Variants in SEPHS1 observed in about 807,000 individuals in gnomAD.
SEPHS1 encodes the protein selenophosphate synthetase 1.
A neutral mutation model predicts 39.2 loss-of-function variants in SEPHS1; 7 were observed. The ratio of observed to expected loss-of-function variants is 0.18; its 90% confidence interval spans 0.10 to 0.34. The LOEUF is 0.34. Ranked by LOEUF, SEPHS1 falls within the 10% of genes least tolerant of loss-of-function variation. SEPHS1 has a pLI of 1.00. For missense variants in SEPHS1, 253 were observed against 514.5 expected (o/e 0.49, Z 4.92); for synonymous variants, 190 against 195.5 (o/e 0.97, Z 0.23).
Position 13,320,383 on chromosome 10 carries a change from G to A in SEPHS1, c.965-1027C>T, listed in dbSNP as rs192513788. On this transcript the variant is annotated intron_variant, in intron 8 of 8. Transcript: ENST00000327347. Reference sequence around the variant, plus strand: ...TTTTTAGTAGAGACAGGGTTTCACCGTGTTAGCCAGGATGGTCTCGATCTC... The same window carrying A: ...TTTTTAGTAGAGACAGGGTTTCACCATGTTAGCCAGGATGGTCTCGATCTC... Among the ~76,000 whole-genome samples, 583 of 151,784 alleles carry A rather than the reference G, an allele frequency of 3.8e-3. 17 individuals are homozygous for A. In the East Asian group the frequency reaches 0.078, roughly 20 times the overall value.
intron 8 of SEPHS1, chr10:13,322,036 TTA>T (rs1256045183): frequency 2.2e-6 from 1 of 455,752 alleles, no homozygotes; most frequent in East Asian, 6.9e-5. Flanking sequence ...TATCCTCCAT[TTA>T]TGTTTCCTCT....
chr10:13,340,845 C>G (rs146670962), intron 2 of SEPHS1: 1 of 152,210 alleles, frequency 6.6e-6, no homozygotes, highest in Non-Finnish European at 1.5e-5. Flanking sequence ...AGAATAGGGT[C>G]TGGTGCTGTC....
At chr10:13,333,196 C>T (rs1222083171) in intron 5 of SEPHS1, among the ~76,000 whole-genome samples, 3 of 149,760 alleles carry the variant, frequency 2.0e-5, no homozygotes, top group African/African-American at 4.9e-5. Flanking sequence ...TGCAGTGGCG[C>T]GATCTTGGCT....
chr10:13,328,803 T>G (rs745868270), intron 6 of SEPHS1, among the ~76,000 whole-genome samples: 2 of 152,186 alleles, frequency 1.3e-5, no homozygotes, highest in Non-Finnish European at 2.9e-5. Context: ...CTCACCTGCT[T>G]CCAGCTCCCT....
At chr10:13,347,192 T>G (rs888774479) in intron 1 of SEPHS1, 1 of 152,050 alleles carries the variant, frequency 6.6e-6, no homozygotes, top group Admixed American at 6.5e-5. Flanking sequence ...GTTTGGTTTT[T>G]TTTTTTCTTC....
intron 2 of SEPHS1, among the ~76,000 whole-genome samples, chr10:13,339,920 A>G (rs1202202532): frequency 6.6e-6 from 1 of 152,188 alleles, no homozygotes; most frequent in South Asian, 2.1e-4. Flanking sequence ...ATCCCCCACG[A>G]GGATTCTGCA....
At chr10:13,340,880 G>T (rs1390991369) in intron 2 of SEPHS1, 1 of 152,102 alleles carries the variant, frequency 6.6e-6, no homozygotes, top group African/African-American at 2.4e-5. Context: ...CTAGACACAG[G>T]GGGTGGCTGC....
chr10:13,330,554 C>A (rs191794510), intron 5 of SEPHS1, among the ~76,000 whole-genome samples: 1 of 152,290 alleles, frequency 6.6e-6, no homozygotes, highest in Admixed American at 6.5e-5. Context: ...GAGAGTTGTG[C>A]CTTTCGCAGC....
intron 7 of SEPHS1, among the ~76,000 whole-genome samples, chr10:13,326,230 CT>C (rs1833285028): frequency 6.6e-6 from 1 of 152,034 alleles, no homozygotes; most frequent in Non-Finnish European, 1.5e-5. Context: ...AATCCCAGTA[CT>C]TTGGGAGGCC....
intron 2 of SEPHS1, among the ~76,000 whole-genome samples, chr10:13,340,191 G>C (rs1423519092): frequency 2.0e-5 from 3 of 151,984 alleles, no homozygotes; most frequent in African/African-American, 7.3e-5. Flanking sequence ...GGAGGCACCA[G>C]ATCTTTCCTG....
chr10:13,323,569 G>C (rs1199959407), intron 7 of SEPHS1, among the ~76,000 whole-genome samples: 1 of 151,942 alleles, frequency 6.6e-6, no homozygotes, highest in Non-Finnish European at 1.5e-5. Flanking sequence ...TGGCCAGGCT[G>C]ATCTTGAACT....
chr10:13,328,211 C>G (rs1456874859), intron 7 of SEPHS1, 140 bp downstream of exon 7: 1 of 601,770 alleles, frequency 1.7e-6, no homozygotes, highest in African/African-American at 1.9e-5. Flanking sequence ...GGAATGCCAA[C>G]CTGGTACCAG....
rs371620494 is a variant in SEPHS1 at position 13,346,098 on chromosome 10, C to A, written c.-78-1070G>T. 3.3e-5 allele frequency among the ~76,000 whole-genome samples: 5 copies of A among 152,218 alleles called. No individual in the cohort carries two copies. In the East Asian group the frequency reaches 9.6e-4, roughly 29 times the overall value. On this transcript the variant is annotated intron_variant, in intron 1 of 8. Transcript: ENST00000327347. ...CACATCATTGACAAAATATGCTACT[C>A]CTCATTAACATTTCATTGCAGAACC...
intron 5 of SEPHS1, among the ~76,000 whole-genome samples, chr10:13,332,398 T>G (rs1334154863): frequency 6.6e-6 from 1 of 151,868 alleles, no homozygotes; most frequent in Non-Finnish European, 1.5e-5. Context: ...CTACAGGGCT[T>G]CTTTTTGGGG....
chr10:13,339,794 A>C (rs534868558), intron 2 of SEPHS1, among the ~76,000 whole-genome samples: 1 of 152,170 alleles, frequency 6.6e-6, no homozygotes, highest in African/African-American at 2.4e-5. Flanking sequence ...TGCGATGTAA[A>C]TATTTGTTAT....
intron 5 of SEPHS1, among the ~76,000 whole-genome samples, chr10:13,332,252 T>C (rs1288754823): frequency 1.3e-5 from 2 of 152,196 alleles, no homozygotes; most frequent in Non-Finnish European, 2.9e-5. Flanking sequence ...CATTCCGCTA[T>C]GGGAGTGAAG....
intron 3 of SEPHS1, among the ~76,000 whole-genome samples, chr10:13,336,765 A>C (rs754270140): frequency 2.6e-5 from 4 of 151,050 alleles, no homozygotes; most frequent in Admixed American, 6.7e-5. Context: ...GAAAAGTTGG[A>C]AACAGCCACA....
chr10:13,328,965 A>G (rs1455391627), intron 6 of SEPHS1, among the ~76,000 whole-genome samples: 1 of 152,248 alleles, frequency 6.6e-6, no homozygotes, highest in Admixed American at 6.5e-5. Flanking sequence ...TGCGACATCA[A>G]GCTAAGATAT....
chr10:13,321,725 T>C (rs989568580), intron 8 of SEPHS1, among the ~76,000 whole-genome samples: 7 of 152,326 alleles, frequency 4.6e-5, no homozygotes, highest in African/African-American at 1.7e-4. Flanking sequence ...GGACGCGCCA[T>C]CTGGCTCCAG....
Sources: gnomAD v4.1 joint callset for allele counts (sites outside exome capture counted in the v4.1 genomes callset) on GRCh38, gnomAD v4.1.1 for gene constraint, MANE v1.5 for transcripts, NCBI Gene and HGNC (gene_info 2026-07-23, HGNC 2026-07-21) for gene names.